Variants in VAV3 observed in about 807,000 individuals in gnomAD.
The protein encoded by VAV3 is vav guanine nucleotide exchange factor 3, also known as guanine nucleotide exchange factor VAV3.
VAV3 carries 94 observed loss-of-function variants against 131.2 expected under a neutral mutation model. The observed-to-expected ratio is 0.72, with a 90% CI of 0.61 to 0.85. The LOEUF is 0.85. Ranked by LOEUF, VAV3 falls within the 40% of genes least tolerant of loss-of-function variation. The probability of loss-of-function intolerance (pLI) is 0.00; values close to 1 mark genes in which losing one functional copy is unlikely to be tolerated. For missense variants in VAV3, 939 were observed against 1,002.7 expected, an observed-to-expected ratio of 0.94 and a Z score of 0.86; for synonymous variants, 349 against 342.0, an observed-to-expected ratio of 1.02 and a Z score of -0.22.
intron 2 of VAV3, among the ~76,000 whole-genome samples, chr1:107,814,517 A>G (rs1462038327): frequency 3.3e-5 from 5 of 152,208 alleles, no homozygotes; most frequent in Non-Finnish European, 5.9e-5. Context: ...TTCCCAGTAT[A>G]TTCTGGATAT....
chr1:107,609,826 A>G, intron 22 of VAV3, 105 bp downstream of exon 22: 1 of 1,185,080 alleles, frequency 8.4e-7, no homozygotes, highest in Admixed American at 2.0e-5. Flanking sequence ...CCTTTAGCCG[A>G]GACAAATGGA....
At chr1:107,584,366 A>T (rs1650325387) in intron 25 of VAV3, among the ~76,000 whole-genome samples, 1 of 152,224 alleles carries the variant, frequency 6.6e-6, no homozygotes, top group African/African-American at 2.4e-5. Flanking sequence ...TTCATGTCTA[A>T]AACACCAAAG....
intron 12 of VAV3, among the ~76,000 whole-genome samples, chr1:107,751,873 C>T (rs969694542): frequency 6.6e-6 from 1 of 152,118 alleles, no homozygotes; most frequent in African/African-American, 2.4e-5. Context: ...AAATCACTAA[C>T]GTTCAGAAAT....
Position 107,965,178 on chromosome 1 carries a change from A to T in VAV3, c.-309T>A, listed in dbSNP as rs1170714641. ...TTCCGACTCCAGCGCCCGGCCCGCC[A>T]CTGAGCATGCCCAGCACGCCGGCCG... On this transcript the variant is annotated 5_prime_UTR_variant, in exon 1 of 27. Transcript: ENST00000370056. The T allele has an allele frequency of 2.0e-5, 3 of 150,108 alleles. No individual in the cohort carries two copies. The highest frequency in any genetic ancestry group is 4.5e-5 in the Non-Finnish European group (3 of 67,324). The allele number at this position is 150,108 out of a possible 1,614,324, so 9.3% of individuals were successfully genotyped here.
intron 2 of VAV3, among the ~76,000 whole-genome samples, chr1:107,798,101 A>G (rs1166739845): frequency 3.9e-5 from 6 of 152,248 alleles, no homozygotes; most frequent in Non-Finnish European, 7.3e-5. Context: ...AAAAAAATAA[A>G]GAGTAACTAA....
intron 1 of VAV3, among the ~76,000 whole-genome samples, chr1:107,889,927 C>T (rs923583116): frequency 2.0e-5 from 3 of 152,126 alleles, no homozygotes; most frequent in Non-Finnish European, 4.4e-5. Context: ...AGAAGTAAGA[C>T]TAAAGGCATC....
At chr1:107,800,797 C>T (rs1235325162) in intron 2 of VAV3, among the ~76,000 whole-genome samples, 2 of 152,004 alleles carry the variant, frequency 1.3e-5, no homozygotes, top group South Asian at 4.1e-4. Context: ...TGATTGTTAT[C>T]TTTGCTGTGT....
intron 1 of VAV3, among the ~76,000 whole-genome samples, chr1:107,906,494 C>T (rs2101104244): frequency 6.6e-6 from 1 of 152,168 alleles, no homozygotes; most frequent in South Asian, 2.1e-4. Flanking sequence ...GAAACCCCGT[C>T]TCTACTAAAA....
chr1:107,746,965 C>T (rs146070054), intron 15 of VAV3, among the ~76,000 whole-genome samples: 5 of 151,868 alleles, frequency 3.3e-5, no homozygotes, highest in African/African-American at 7.3e-5. Flanking sequence ...CTGCAACCTC[C>T]GCCTCTCAGG....
chr1:107,854,089 A>C (rs575564163), intron 2 of VAV3, among the ~76,000 whole-genome samples: 4 of 152,170 alleles, frequency 2.6e-5, no homozygotes, highest in Non-Finnish European at 4.4e-5. Flanking sequence ...CCAGCAGATA[A>C]CTTGAGGCCA....
At position 107,572,638 on chromosome 1, in the gene VAV3, C is replaced by T. The variant is rs140026517; in HGVS notation, c.*693G>A. On this transcript the variant is annotated 3_prime_UTR_variant, in exon 27 of 27. Transcript: ENST00000370056. ...ATGAAGACACCCTCTCTTTTGTGTG[C>T]TTTTTTCACCTTTTATAAAGAAGTT... is the stretch of plus-strand genomic sequence containing the variant. The T allele has an allele frequency of 6.6e-6, 1 of 152,616 alleles. No homozygotes were observed. Among genetic ancestry groups the T allele is most frequent in the Non-Finnish European group, 1.5e-5 (1 of 68,012 alleles). 9.5% of individuals were successfully genotyped at this position (152,616 alleles called of 1,614,324 possible).
chr1:107,866,822 CAAAAAAAAAAAAA>C (rs66866060), intron 2 of VAV3, among the ~76,000 whole-genome samples: 4 of 59,198 alleles, frequency 6.8e-5, no homozygotes, highest in East Asian at 7.6e-4. Flanking sequence ...GACTCCATCT[CAAAAAAAAAAAAA>C]AAAAAAAAAA....
At chr1:107,635,865 A>G (rs1273944894) in intron 20 of VAV3, among the ~76,000 whole-genome samples, 1 of 152,234 alleles carries the variant, frequency 6.6e-6, no homozygotes, top group Non-Finnish European at 1.5e-5. Context: ...CTATGTCCGA[A>G]TAACAGCTCT....
At chr1:107,579,495 A>G (rs1406477927) in intron 25 of VAV3, among the ~76,000 whole-genome samples, 7 of 152,306 alleles carry the variant, frequency 4.6e-5, no homozygotes, top group Admixed American at 3.3e-4. Flanking sequence ...TACACCGTTC[A>G]GCCCTCCTTG....
chr1:107,609,816 C>A (rs1250049334), intron 22 of VAV3, 115 bp downstream of exon 22: 5 of 1,082,338 alleles, frequency 4.6e-6, no homozygotes, highest in Middle Eastern at 2.1e-4. Context: ...TCTGAAAACA[C>A]CTTTAGCCGA....
intron 15 of VAV3, among the ~76,000 whole-genome samples, chr1:107,731,083 A>G (rs944245396): frequency 1.3e-5 from 2 of 152,234 alleles, no homozygotes; most frequent in Non-Finnish European, 2.9e-5. Flanking sequence ...ATATAACAGC[A>G]AAGAATTATC....
chr1:107,833,913 C>T (rs1365608657), intron 2 of VAV3, among the ~76,000 whole-genome samples: 1 of 152,190 alleles, frequency 6.6e-6, no homozygotes, highest in Non-Finnish European at 1.5e-5. Context: ...AATGCTTACT[C>T]GCATGCAATT....
chr1:107,925,520 C>T (rs1478836304), intron 1 of VAV3, among the ~76,000 whole-genome samples: 8 of 152,000 alleles, frequency 5.3e-5, no homozygotes, highest in South Asian at 4.2e-4. Flanking sequence ...GGAAATTCTG[C>T]CATATGCTAC....
At chr1:107,687,904 T>C (rs984513499) in intron 18 of VAV3, among the ~76,000 whole-genome samples, 4 of 152,224 alleles carry the variant, frequency 2.6e-5, no homozygotes, top group Non-Finnish European at 5.9e-5. Context: ...TTACTAGATC[T>C]TCATTTGATC....
Sources: gnomAD v4.1 joint callset for allele counts (sites outside exome capture counted in the v4.1 genomes callset) on GRCh38, gnomAD v4.1.1 for gene constraint, MANE v1.5 for transcripts, NCBI Gene and HGNC (gene_info 2026-07-23, HGNC 2026-07-21) for gene names.